SEC24A: variants seen among roughly 807,000 people sequenced by gnomAD.
SEC24A encodes the protein protein transport protein Sec24A.
A neutral mutation model predicts 129.4 loss-of-function variants in SEC24A; 93 were observed. That is an observed-to-expected ratio of 0.72 (90% CI 0.61 to 0.85). The LOEUF (loss-of-function observed/expected upper bound fraction) is 0.85. Among genes scored for constraint, SEC24A ranks in the 40% least tolerant of loss-of-function variants. The pLI is 0.00. For synonymous variants in SEC24A, 460 were observed against 467.3 expected, an observed-to-expected ratio of 0.98 and a Z score of 0.20; for missense variants, 1,264 against 1,307.4, an observed-to-expected ratio of 0.97 and a Z score of 0.51.
rs1352100813 is a variant in SEC24A, at chr5:134,715,160, A to C, written c.2864A>C (p.Glu955Ala). The change falls in exon 19 of 23, where the codon GAG (glutamate) becomes GCG (alanine). Residue 955 changes from glutamate (E) to alanine (A), a missense_variant and splice_region_variant. Glu to Ala is a moderately radical substitution (Grantham distance 107, BLOSUM62 -1). Coordinates refer to ENST00000398844, the MANE Select transcript of SEC24A (RefSeq NM_021982.3). ...SLYRVDNLSDEGALNISDRTI... is the reference protein window; with the variant it reads ...SLYRVDNLSDAGALNISDRTI... ...TATAGAGTTGACAATCTCTCAGATG[A>C]GGTAAGATGGATTGCTTTTTTGTGG... 6.2e-7 allele frequency: 1 copy of C among 1,608,806 alleles called. No individual in the cohort carries two copies. The highest frequency in any genetic ancestry group is 1.7e-5 in the Admixed American group (1 of 58,408).
chr5:134,709,215 TAAAC>T (rs955623111), intron 18 of SEC24A, among the ~76,000 whole-genome samples: 27 of 151,694 alleles, frequency 1.8e-4, no homozygotes, highest in Non-Finnish European at 2.8e-4. Flanking sequence ...TGTCTCAAAA[TAAAC>T]AAAAAGAAAG....
At chr5:134,693,484 A>G (rs1391195844) in intron 12 of SEC24A, 9 of 1,400,736 alleles carry the variant, frequency 6.4e-6, no homozygotes, top group Non-Finnish European at 7.4e-6. Context: ...TTGGACTTAT[A>G]GTCTTGCTGG....
At chr5:134,706,585 T>C (rs1054408927) in intron 17 of SEC24A, among the ~76,000 whole-genome samples, 1 of 152,082 alleles carries the variant, frequency 6.6e-6, no homozygotes, top group Non-Finnish European at 1.5e-5. Context: ...CTGCAGCCTT[T>C]ACCTCCTGGG....
rs201973255 is a variant in SEC24A at position 134,723,571 on chromosome 5, A to G, written c.3068A>G (p.Asp1023Gly). The change falls in exon 22 of 23, where the codon GAC (aspartate) becomes GGC (glycine). Residue 1023 changes from aspartate to glycine, a missense_variant. Asp to Gly is a moderately conservative substitution (Grantham distance 94). Transcript: ENST00000398844. The stretch of plus-strand genomic sequence containing the variant: ...ATTGTTGGTTTTGGTTAACAGACAG[A>G]CCTTCCAGAACTTGATACACCAGAA... ...NYASIPQPMT[D>G]LPELDTPESA... 998 of 1,605,132 alleles carry G rather than the reference A, an allele frequency of 6.2e-4. 5 individuals carry two copies. In the Middle Eastern group the frequency reaches 6.8e-3, roughly 11 times the overall value.
At chr5:134,652,634 C>A (rs1321078216) in intron 1 of SEC24A, among the ~76,000 whole-genome samples, 2 of 152,078 alleles carry the variant, frequency 1.3e-5, no homozygotes, top group African/African-American at 2.4e-5. Context: ...TGTTGCCAGG[C>A]TGGAGTGCAG....
At chr5:134,697,565 C>T (rs543551572) in intron 14 of SEC24A, among the ~76,000 whole-genome samples, 1 of 151,804 alleles carries the variant, frequency 6.6e-6, no homozygotes, top group Non-Finnish European at 1.5e-5. Context: ...ATAGGAAGAC[C>T]CTGTATTTGC....
intron 2 of SEC24A, among the ~76,000 whole-genome samples, chr5:134,665,691 G>A (rs1750637618): frequency 6.6e-6 from 1 of 151,768 alleles, no homozygotes; most frequent in Admixed American, 6.6e-5. Context: ...CAAGTAGCTG[G>A]GATTACAGGT....
intron 18 of SEC24A, among the ~76,000 whole-genome samples, chr5:134,709,923 A>G (rs1483795957): frequency 2.6e-5 from 4 of 151,994 alleles, no homozygotes; most frequent in Non-Finnish European, 5.9e-5. Flanking sequence ...TTTTTGAGAC[A>G]GAGTCTTGCT....
intron 3 of SEC24A, among the ~76,000 whole-genome samples, chr5:134,670,123 TCCCATGTTG>T: frequency 6.6e-6 from 1 of 152,222 alleles, no homozygotes; most frequent in Admixed American, 6.5e-5. Flanking sequence ...TACAGGGTTT[TCCCATGTTG>T]CCCAGGCTGG....
chr5:134,693,162 G>A (rs574660476), intron 12 of SEC24A: 16 of 1,534,570 alleles, frequency 1.0e-5, no homozygotes, highest in Admixed American at 2.0e-5. Flanking sequence ...CATATATGCC[G>A]TAGGGGTAAC....
intron 13 of SEC24A, among the ~76,000 whole-genome samples, chr5:134,694,717 G>A (rs1344546937): frequency 6.6e-6 from 1 of 151,696 alleles, no homozygotes; most frequent in Non-Finnish European, 1.5e-5. Flanking sequence ...TACTCAGGAG[G>A]CTGAGGCAGG....
intron 20 of SEC24A, among the ~76,000 whole-genome samples, chr5:134,720,323 A>G (rs1317025777): frequency 2.0e-5 from 3 of 152,226 alleles, no homozygotes; most frequent in Admixed American, 6.6e-5. Flanking sequence ...GTACAGTAAC[A>G]TGCTATAGAC....
chr5:134,680,473 C>T (rs1458561751), intron 8 of SEC24A, among the ~76,000 whole-genome samples: 1 of 151,916 alleles, frequency 6.6e-6, no homozygotes, highest in Non-Finnish European at 1.5e-5. Context: ...GCTGGAATTA[C>T]AGGCATCCAC....
chr5:134,710,060 C>G (rs1023841818), intron 18 of SEC24A, among the ~76,000 whole-genome samples: 2 of 151,526 alleles, frequency 1.3e-5, no homozygotes, highest in African/African-American at 4.9e-5. Flanking sequence ...CCACTATATC[C>G]GACTAATTTT....
At chr5:134,721,434 A>G (rs960232369) in intron 21 of SEC24A, among the ~76,000 whole-genome samples, 1 of 151,160 alleles carries the variant, frequency 6.6e-6, no homozygotes, top group Admixed American at 6.6e-5. Context: ...GTGGTGGCGC[A>G]CACCTGTAGT....
intron 2 of SEC24A, among the ~76,000 whole-genome samples, chr5:134,663,457 T>G (rs962374061): frequency 6.6e-6 from 1 of 152,188 alleles, no homozygotes; most frequent in Non-Finnish European, 1.5e-5. Flanking sequence ...CTTACAGATC[T>G]AAAGTATAAG....
chr5:134,705,282 T>G, intron 16 of SEC24A, 45 bp from the exon 17 acceptor site: 2 of 1,426,302 alleles, frequency 1.4e-6, no homozygotes, highest in East Asian at 2.3e-5. Flanking sequence ...AATCTTTTGT[T>G]TTATATAGTT....
chr5:134,685,377 AAAT>A (rs200569277), intron 9 of SEC24A, among the ~76,000 whole-genome samples: 18,749 of 151,898 alleles, frequency 0.12, 1,495 homozygotes, highest in South Asian at 0.36. Context: ...AAAAAAAAAA[AAAT>A]AATAATACAA....
chr5:134,656,993 T>C (rs1199439947), intron 1 of SEC24A, among the ~76,000 whole-genome samples: 10 of 151,428 alleles, frequency 6.6e-5, no homozygotes, highest in Non-Finnish European at 1.3e-4. Context: ...GAGACCAGCC[T>C]GGACAACTTA....
Sources: gnomAD v4.1 joint callset for allele counts (sites outside exome capture counted in the v4.1 genomes callset) on GRCh38, gnomAD v4.1.1 for gene constraint, MANE v1.5 for transcripts, NCBI Gene and HGNC (gene_info 2026-07-23, HGNC 2026-07-21) for gene names.